Variants in GNAI1 observed in about 807,000 individuals in gnomAD.
GNAI1 encodes the protein G protein subunit alpha i1.
GNAI1 carries 11 observed loss-of-function variants against 38.9 expected under a neutral mutation model. That is an observed-to-expected ratio of 0.28 (90% CI 0.18 to 0.47). The LOEUF (loss-of-function observed/expected upper bound fraction) is 0.47, where lower values mean the gene tolerates loss of function less well. Ranked by LOEUF, GNAI1 falls within the 20% of genes least tolerant of loss-of-function variation. The pLI, the probability that GNAI1 is intolerant of heterozygous loss-of-function variation, is 0.99. For missense variants in GNAI1, 317 were observed against 436.9 expected (o/e 0.73, Z 2.45); for synonymous variants, 166 against 145.1 (o/e 1.14, Z -1.04).
intron 1 of GNAI1, among the ~76,000 whole-genome samples, chr7:80,142,382 A>G (rs987485125): frequency 6.6e-5 from 10 of 152,252 alleles, no homozygotes; most frequent in Non-Finnish European, 1.3e-4. Context: ...TCAAGTCGTA[A>G]TGTGAAAGAA....
intron 1 of GNAI1, among the ~76,000 whole-genome samples, chr7:80,148,474 T>C (rs188451519): frequency 6.6e-6 from 1 of 151,586 alleles, no homozygotes; most frequent in African/African-American, 2.4e-5. Context: ...TTTTGCATTG[T>C]ATTTGGGTAT....
At chr7:80,207,087 T>C (rs1423357630) in intron 5 of GNAI1, among the ~76,000 whole-genome samples, 1 of 152,084 alleles carries the variant, frequency 6.6e-6, no homozygotes, top group Non-Finnish European at 1.5e-5. Context: ...TAATAAGTAG[T>C]TGGGTAAACT....
intron 1 of GNAI1, among the ~76,000 whole-genome samples, chr7:80,188,182 A>G (rs901358853): frequency 2.0e-5 from 3 of 152,216 alleles, no homozygotes; most frequent in African/African-American, 7.2e-5. Context: ...CACATATTCC[A>G]TGAGACATAG....
intron 7 of GNAI1, among the ~76,000 whole-genome samples, chr7:80,213,703 A>G (rs980728938): frequency 2.0e-5 from 3 of 152,088 alleles, no homozygotes; most frequent in African/African-American, 7.2e-5. Flanking sequence ...TGGTTTATGT[A>G]TTGAGTAAAG....
intron 1 of GNAI1, among the ~76,000 whole-genome samples, chr7:80,177,460 G>A (rs542913215): frequency 6.6e-6 from 1 of 152,290 alleles, no homozygotes; most frequent in Admixed American, 6.5e-5. Context: ...CAAGAGCACT[G>A]ATGGAGAGGT....
At chr7:80,170,820 G>A (rs555659319) in intron 1 of GNAI1, among the ~76,000 whole-genome samples, 1 of 152,242 alleles carries the variant, frequency 6.6e-6, no homozygotes, top group East Asian at 1.9e-4. Context: ...AGATTTGGCT[G>A]GGGACACAGA....
intron 1 of GNAI1, among the ~76,000 whole-genome samples, chr7:80,136,456 G>C (rs1404418431): frequency 6.6e-6 from 1 of 152,090 alleles, no homozygotes; most frequent in Non-Finnish European, 1.5e-5. Flanking sequence ...TTACTAGTAG[G>C]CTTGGGAGCA....
chr7:80,187,929 G>A (rs1042956556), intron 1 of GNAI1, among the ~76,000 whole-genome samples: 3 of 152,108 alleles, frequency 2.0e-5, no homozygotes, highest in Non-Finnish European at 4.4e-5. Flanking sequence ...TTTGTAAACT[G>A]TCATTTCCTT....
intron 3 of GNAI1, among the ~76,000 whole-genome samples, chr7:80,190,250 T>A (rs1341161263): frequency 1.3e-5 from 2 of 152,052 alleles, no homozygotes; most frequent in African/African-American, 4.8e-5. Context: ...TAAAATCTAG[T>A]TTTTAAAATG....
At chr7:80,160,406 C>T (rs1447082398) in intron 1 of GNAI1, among the ~76,000 whole-genome samples, 1 of 151,010 alleles carries the variant, frequency 6.6e-6, no homozygotes, top group Non-Finnish European at 1.5e-5. Flanking sequence ...AACTGTTAGG[C>T]TCAATTTTGT....
intron 5 of GNAI1, among the ~76,000 whole-genome samples, chr7:80,208,924 A>G (rs1310487401): frequency 6.6e-6 from 1 of 152,100 alleles, no homozygotes; most frequent in Non-Finnish European, 1.5e-5. Context: ...ACATGTTTTC[A>G]TTTCCTTCTG....
chr7:80,172,513 C>T (rs1457739453), intron 1 of GNAI1, among the ~76,000 whole-genome samples: 1 of 152,098 alleles, frequency 6.6e-6, no homozygotes, highest in Non-Finnish European at 1.5e-5. Context: ...ACATATGCTT[C>T]TATTCAGCAA....
chr7:80,210,204 TATA>T (rs1243695837), intron 5 of GNAI1, among the ~76,000 whole-genome samples: 3 of 152,210 alleles, frequency 2.0e-5, no homozygotes, highest in African/African-American at 7.2e-5. Flanking sequence ...TATAAAGTCT[TATA>T]AGAGAAAAGG....
At position 80,214,278 on chromosome 7, in the gene GNAI1, AT is replaced by A. The variant is rs546196549; in HGVS notation, c.874+1416del. 3.4e-3 allele frequency among the ~76,000 whole-genome samples: 517 copies of A among 152,166 alleles called. 6 individuals carry two copies. The highest frequency in any genetic ancestry group is 0.012 in the African/African-American group (494 of 41,538). Reference sequence around the variant, plus strand: ...GTCCTAAATCACTGTATTCAGCAACATTTTTTTGTGCTTATTAGAAATAAGC... The same window carrying A: ...GTCCTAAATCACTGTATTCAGCAACATTTTTTGTGCTTATTAGAAATAAGC... On this transcript the variant is annotated intron_variant, in intron 7 of 7. Transcript: ENST00000649796.
intron 5 of GNAI1, among the ~76,000 whole-genome samples, chr7:80,208,100 A>G (rs1166483125): frequency 6.6e-6 from 1 of 152,130 alleles, no homozygotes; most frequent in East Asian, 1.9e-4. Context: ...TGACAGTGGT[A>G]TTAGATGCTA....
chr7:80,143,810 C>T (rs1191725936), intron 1 of GNAI1, among the ~76,000 whole-genome samples: 1 of 152,244 alleles, frequency 6.6e-6, no homozygotes, highest in African/African-American at 2.4e-5. Flanking sequence ...ATTATAAATA[C>T]TTCAGAGACT....
At chr7:80,205,767 C>CA (rs920582380) in intron 5 of GNAI1, among the ~76,000 whole-genome samples, 4 of 151,952 alleles carry the variant, frequency 2.6e-5, no homozygotes, top group African/African-American at 9.7e-5. Context: ...ATTCTGTTTG[C>CA]AAAAAAGTAA....
At chr7:80,200,339 A>AAAAC (rs1788660930) in intron 4 of GNAI1, among the ~76,000 whole-genome samples, 1 of 150,102 alleles carries the variant, frequency 6.7e-6, no homozygotes, top group Non-Finnish European at 1.5e-5. Flanking sequence ...AAAAAAAAAA[A>AAAAC]AAAAAAAACC....
chr7:80,192,815 C>T (rs1788505996), intron 3 of GNAI1, among the ~76,000 whole-genome samples: 1 of 152,072 alleles, frequency 6.6e-6, no homozygotes, highest in Non-Finnish European at 1.5e-5. Context: ...CTGCCTCAGC[C>T]TCCCGAGTAG....
Sources: allele counts gnomAD v4.1 joint callset (sites outside exome capture counted in the v4.1 genomes callset), GRCh38; gene constraint gnomAD v4.1.1; transcripts MANE v1.5; gene names NCBI Gene and HGNC (gene_info 2026-07-23, HGNC 2026-07-21).